NIT1: variants seen among roughly 807,000 people sequenced by gnomAD.
NIT1 encodes the protein deaminated glutathione amidase.
Under a neutral mutation model 36.8 loss-of-function variants are expected in NIT1, and 30 were observed. The ratio of observed to expected loss-of-function variants is 0.82; its 90% confidence interval spans 0.61 to 1.11. The LOEUF is 1.11. Ranked by LOEUF, NIT1 falls within the 50% of genes least tolerant of loss-of-function variation. NIT1 has a pLI of 0.00. For missense variants in NIT1, 438 were observed against 410.6 expected, an observed-to-expected ratio of 1.07 and a Z score of -0.58; for synonymous variants, 151 against 155.6, an observed-to-expected ratio of 0.97 and a Z score of 0.22.
Position 161,120,672 on chromosome 1 carries a change from C to T in NIT1, c.891C>T (p.Asp297=). The T allele has an allele frequency of 6.2e-7, 1 of 1,614,192 alleles. No homozygotes were observed. Among genetic ancestry groups the T allele is most frequent in the Non-Finnish European group, 8.5e-7 (1 of 1,180,046 alleles). ...CAGGCCTCTGCCTTGCCCGAATAGA[C>T]CTCAACTATCTGCGACAGTTGCGCC... The part of the protein sequence containing the change: ...EGPGLCLARI[D]LNYLRQLRRH... The change falls in exon 7 of 7, where the codon GAC becomes GAT. Residue 297 remains aspartate, a synonymous_variant. Transcript: ENST00000368009.
downstream of NIT1, among the ~76,000 whole-genome samples, chr1:161,123,572 CTTGCAGTGAACCGAGA>C (rs1655792844): frequency 6.7e-6 from 1 of 149,078 alleles, no homozygotes; most frequent in South Asian, 2.1e-4. Flanking sequence ...GGAAGTGGGG[CTTGCAGTGAACCGAGA>C]TTGCGCCACT....
chr1:161,120,206 T>A lies in NIT1; in HGVS notation c.691T>A (p.Ser231Thr), dbSNP rs201644403. ...EILTYPSAFG[S>T]ITGPAHWEVL... ...ACTTACCTATCCTTCAGCTTTTGGA[T>A]CCATTACAGGCCCAGCCCACTGGGA... The change falls in exon 6 of 7, where the codon TCC (serine) becomes ACC (threonine). Residue 231 changes from serine to threonine, a missense_variant. By Grantham distance (58) the Ser-to-Thr change is moderately conservative. Coordinates refer to ENST00000368009, the MANE Select transcript of NIT1 (RefSeq NM_005600.3). The A allele has an allele frequency of 1.2e-4, 193 of 1,614,008 alleles. No individual in the cohort carries two copies. The highest frequency in any genetic ancestry group is 1.6e-4 in the Non-Finnish European group (184 of 1,180,028).
Position 161,120,991 on chromosome 1 carries a change from T to G in NIT1, c.*226T>G. ...GAAAGGTGGAATTTTATATAGTCAT[T>G]GTTTATTTCATGGAAACTGAAGTTC... On this transcript the variant is annotated 3_prime_UTR_variant, in exon 7 of 7. Transcript: ENST00000368009. The G allele has an allele frequency of 7.1e-7, 1 of 1,401,482 alleles. No individual in the cohort carries two copies. The highest frequency in any genetic ancestry group is 9.3e-7 in the Non-Finnish European group (1 of 1,080,440). The allele number at this position is 1,401,482 out of a possible 1,614,324, so 86.8% of individuals were successfully genotyped here.
downstream of NIT1, among the ~76,000 whole-genome samples, chr1:161,123,553 G>A (rs186983550): frequency 1.6e-3 from 238 of 151,306 alleles, 2 homozygotes; most frequent in Middle Eastern, 6.9e-3. Context: ...GGAGAATGGC[G>A]TGCACCTGGG....
At chr1:161,123,188 G>A, downstream of NIT1, 1 of 1,614,230 alleles carries the variant, frequency 6.2e-7, no homozygotes, top group Non-Finnish European at 8.5e-7. Context: ...AGGACCCGAA[G>A]TGGGGCAACA....
rs893319088 is a variant in NIT1, at chr1:161,118,393, C to A, written c.2+215C>A. Reference sequence around the variant, plus strand: ...GGGAGACGAGAGAGGGTGAACTTTCCCCTGCGAGATTCTGGTGAAAGGGGA... The same window carrying A: ...GGGAGACGAGAGAGGGTGAACTTTCACCTGCGAGATTCTGGTGAAAGGGGA... On this transcript the variant is annotated intron_variant, in intron 1 of 6. Coordinates refer to ENST00000368009, the MANE Select transcript of NIT1 (RefSeq NM_005600.3). The A allele has an allele frequency of 2.0e-6, 3 of 1,529,792 alleles. No individual in the cohort carries two copies. The African/African-American group carries it at 4.1e-5, about 21-fold the overall frequency. The allele number at this position is 1,529,792 out of a possible 1,614,324, so 94.8% of individuals were successfully genotyped here. A position where few individuals can be genotyped will look rare whatever the true frequency, so the allele number is the denominator to read the frequency against.
At chr1:161,124,377 A>G, downstream of NIT1, 1 of 1,614,128 alleles carries the variant, frequency 6.2e-7, no homozygotes, top group Non-Finnish European at 8.5e-7. Flanking sequence ...GATGTCAAAC[A>G]TGCGGTGCAG....
chr1:161,118,252 C>A (rs577513813), intron 1 of NIT1, 74 bp downstream of exon 1: 88 of 1,612,924 alleles, frequency 5.5e-5, no homozygotes, highest in Non-Finnish European at 7.3e-5. Context: ...AACAGAGATG[C>A]TGCCTCTGGG....
chr1:161,125,440 C>A (rs772946847), downstream of NIT1: 1 of 152,130 alleles, frequency 6.6e-6, no homozygotes, highest in Non-Finnish European at 1.5e-5. Flanking sequence ...TAAGTTTCTA[C>A]AATAAGCATT....
downstream of NIT1, chr1:161,123,247 A>C (rs1481005918): frequency 1.9e-6 from 3 of 1,602,330 alleles, no homozygotes; most frequent in Admixed American, 1.7e-5. Context: ...AAGGGAAGAA[A>C]ACACAGTAGG....
chr1:161,119,594 GTGC>G lies in NIT1; in HGVS notation c.445_447del (p.Leu149del). On this transcript the variant is annotated inframe_deletion, in exon 4 of 7. Transcript: ENST00000368009. ...GACTCAGAAAATCTACAATTGTCAC[GTGC>G]TGCTGAACAGCAAAGGTGAGACTTT... 6.2e-7 allele frequency: 1 copy of G among 1,614,080 alleles called. No individual in the cohort carries two copies. The highest frequency in any genetic ancestry group is 8.5e-7 in the Non-Finnish European group (1 of 1,179,960).
downstream of NIT1, chr1:161,122,008 CT>C: frequency 8.5e-7 from 1 of 1,180,228 alleles, no homozygotes; most frequent in Non-Finnish European, 1.2e-6. The surrounding 1 kb of genome is among the most constrained non-coding windows in gnomAD (Gnocchi z 4.2). Context: ...CTTCCACTTT[CT>C]TTTGTCTTTT....
chr1:161,124,479 C>A, downstream of NIT1: 5 of 1,587,152 alleles, frequency 3.2e-6, no homozygotes, highest in Non-Finnish European at 3.4e-6. Context: ...GGCTCAGGTA[C>A]GCAATGCTTT....
At chr1:161,124,551 T>C (rs1424817549), downstream of NIT1, 17 of 1,519,404 alleles carry the variant, frequency 1.1e-5, no homozygotes, top group African/African-American at 8.3e-5. Context: ...AAAGAACCGA[T>C]GAGACACTCA....
At position 161,118,168 on chromosome 1, in the gene NIT1, T is replaced by C. The variant is rs1308821701; in HGVS notation, c.-9T>C. ...ATCGGACCCTGCGAATGGTTTTGGC[T>C]ATATCTTCATGTAGGACCTACTCCC... On this transcript the variant is annotated 5_prime_UTR_variant, in exon 1 of 7. Coordinates refer to ENST00000368009, the MANE Select transcript of NIT1 (RefSeq NM_005600.3). 1 of 1,614,090 alleles carries C rather than the reference T, an allele frequency of 6.2e-7. No individual in the cohort carries two copies. The highest frequency in any genetic ancestry group is 8.5e-7 in the Non-Finnish European group (1 of 1,179,956).
rs752710458 is a variant in NIT1, at chr1:161,118,855, A to G, written c.72A>G (p.Gln24=). Residue 24 remains glutamine, a synonymous_variant, in exon 2 of 7, where the codon CAA becomes CAG. Coordinates refer to ENST00000368009, the MANE Select transcript of NIT1 (RefSeq NM_005600.3). ...SLLCPGLRIP[Q]LSVLCAQPRP... ...TGTGTCCTGGACTCCGGATACCTCA[A>G]CTCTCAGTACTTTGTGCTCAGCCCA... 12 of 1,613,732 alleles carry G rather than the reference A, an allele frequency of 7.4e-6. No individual in the cohort carries two copies. The highest frequency in any genetic ancestry group is 1.0e-5 in the Non-Finnish European group (12 of 1,179,790).
chr1:161,119,161 C>G lies in NIT1; in HGVS notation c.126C>G (p.Ser42=). 1 of 1,614,022 alleles carries G rather than the reference C, an allele frequency of 6.2e-7. No homozygotes were observed. Among genetic ancestry groups the G allele is most frequent in the Non-Finnish European group, 8.5e-7 (1 of 1,180,030 alleles). ...CCAGAGCCATGGCTATCTCCTCTTC[C>G]TCCTGCGAACTGCCCCTGGTGGCTG... ...PRPRAMAISS[S]SCELPLVAVC... is the part of the protein sequence containing the mutation. The change falls in exon 3 of 7, where the codon TCC becomes TCG. Residue 42 remains serine, a synonymous_variant. Coordinates refer to ENST00000368009, the MANE Select transcript of NIT1 (RefSeq NM_005600.3).
At chr1:161,120,051 A>G in intron 5 of NIT1, 56 bp from the exon 6 acceptor site, 2 of 1,611,418 alleles carry the variant, frequency 1.2e-6, no homozygotes, top group Non-Finnish European at 8.5e-7. Flanking sequence ...AAATATGACT[A>G]GATGCTGTGA....
chr1:161,123,714 T>A, downstream of NIT1: 6 of 821,848 alleles, frequency 7.3e-6, no homozygotes, highest in Non-Finnish European at 1.2e-5. Flanking sequence ...CTGATTTTTT[T>A]TTTTTATGGG....
Sources: gnomAD v4.1 joint callset for allele counts (sites outside exome capture counted in the v4.1 genomes callset) on GRCh38, gnomAD v4.1.1 for gene constraint, Gnocchi (gnomAD v3.1) non-coding constraint, MANE v1.5 for transcripts, NCBI Gene and HGNC (gene_info 2026-07-23, HGNC 2026-07-21) for gene names.